Variants in LIPA observed in about 807,000 individuals in gnomAD.
LIPA encodes lipase A, lysosomal acid type.
LIPA carries 26 observed loss-of-function variants against 40.6 expected under a neutral mutation model. That is an observed-to-expected ratio of 0.64 (90% CI 0.47 to 0.89). The LOEUF (loss-of-function observed/expected upper bound fraction) is 0.89, where lower values mean the gene tolerates loss of function less well. LIPA is among the 40% of genes least tolerant of loss of function. The pLI is 0.00. For missense variants in LIPA, 455 were observed against 479.6 expected (o/e 0.95, Z 0.48); for synonymous variants, 188 against 168.4 (o/e 1.12, Z -0.90).
chr10:89,335,871 A>G (rs1250007626), intron 1 of LIPA, among the ~76,000 whole-genome samples: 1 of 152,226 alleles, frequency 6.6e-6, no homozygotes, highest in Non-Finnish European at 1.5e-5. Flanking sequence ...TTGTTCAATT[A>G]TCATCGTTAT....
intron 1 of LIPA, chr10:89,306,767 A>C (rs770640915): frequency 6.2e-7 from 1 of 1,614,016 alleles, no homozygotes; most frequent in African/African-American, 1.3e-5. Flanking sequence ...TGAACTGCTT[A>C]AAAAGGCTTT....
chr10:89,250,826 G>T (rs1488016296), intron 1 of LIPA, among the ~76,000 whole-genome samples: 1 of 152,130 alleles, frequency 6.6e-6, no homozygotes, highest in African/African-American at 2.4e-5. Flanking sequence ...TACTAAGAAG[G>T]AGATACTCTG....
At chr10:89,356,828 T>C (rs937969889) in intron 2 of LIPA, among the ~76,000 whole-genome samples, 1 of 152,254 alleles carries the variant, frequency 6.6e-6, no homozygotes, top group Non-Finnish European at 1.5e-5. Flanking sequence ...AACCAGTCCC[T>C]GGTGCCAAAA....
chr10:89,376,786 C>G (rs11203100), intron 2 of LIPA, among the ~76,000 whole-genome samples: 1 of 152,140 alleles, frequency 6.6e-6, no homozygotes, highest in Admixed American at 6.5e-5. Context: ...TTAAGATACC[C>G]AATTATAGAA....
chr10:89,355,537 T>C (rs1340569308), intron 2 of LIPA, among the ~76,000 whole-genome samples: 1 of 152,216 alleles, frequency 6.6e-6, no homozygotes, highest in East Asian at 1.9e-4. Flanking sequence ...TAGAGACATT[T>C]GAACCAGAGA....
At chr10:89,355,059 A>G (rs1466335947) in intron 2 of LIPA, among the ~76,000 whole-genome samples, 4 of 152,188 alleles carry the variant, frequency 2.6e-5, no homozygotes, top group Non-Finnish European at 5.9e-5. Flanking sequence ...AAAAACCTGA[A>G]AAGATGTGTC....
At chr10:89,344,798 A>T (rs1843904527), upstream of LIPA, among the ~76,000 whole-genome samples, 1 of 152,252 alleles carries the variant, frequency 6.6e-6, no homozygotes, top group African/African-American at 2.4e-5. Context: ...ACAAAATCAA[A>T]GAATACACAC....
At chr10:89,288,079 C>A (rs1365918452) in intron 1 of LIPA, among the ~76,000 whole-genome samples, 2 of 152,190 alleles carry the variant, frequency 1.3e-5, no homozygotes, top group Admixed American at 1.3e-4. Flanking sequence ...CAAGGCTTTG[C>A]GGACAGCCCC....
intron 4 of LIPA, among the ~76,000 whole-genome samples, chr10:89,227,725 C>A (rs1021820742): frequency 1.3e-5 from 2 of 152,090 alleles, no homozygotes; most frequent in Admixed American, 1.3e-4. Context: ...CCCCCAGTGA[C>A]CTTATGAGGT....
chr10:89,339,140 C>A, intron 1 of LIPA: 1 of 1,614,094 alleles, frequency 6.2e-7, no homozygotes, highest in Non-Finnish European at 8.5e-7. Flanking sequence ...TTTGAGAAGG[C>A]TCTGGAAGAA....
intron 2 of LIPA, among the ~76,000 whole-genome samples, chr10:89,354,991 G>A (rs747014983): frequency 1.3e-5 from 2 of 152,222 alleles, no homozygotes; most frequent in Non-Finnish European, 2.9e-5. Flanking sequence ...TGGGGCCACA[G>A]GAGGAGGATT....
intron 2 of LIPA, among the ~76,000 whole-genome samples, chr10:89,396,976 A>G (rs1844353139): frequency 6.6e-6 from 1 of 152,208 alleles, no homozygotes; most frequent in South Asian, 2.1e-4. Context: ...ATTTCTCCAT[A>G]CATGAGTAAT....
chr10:89,247,846 T>TTTAATTTATTTATTTA (rs1554869397), intron 1 of LIPA, 197 bp from the exon 2 acceptor site: 2 of 163,902 alleles, frequency 1.2e-5, no homozygotes, highest in African/African-American at 5.1e-5. Context: ...TTTATTTTTA[T>TTTAATTTATTTATTTA]TTTATTTATT....
At chr10:89,256,678 G>A (rs1016051776), upstream of LIPA, among the ~76,000 whole-genome samples, 16 of 152,166 alleles carry the variant, frequency 1.1e-4, no homozygotes, top group African/African-American at 3.9e-4. Context: ...GTAGTCTTGA[G>A]GATTAAGTGA....
intron 1 of LIPA, among the ~76,000 whole-genome samples, chr10:89,270,570 T>C (rs1427403559): frequency 6.6e-6 from 1 of 152,214 alleles, no homozygotes; most frequent in Non-Finnish European, 1.5e-5. Context: ...CTTCTACCAC[T>C]GAAAAAGAGG....
At chr10:89,346,297 A>G (rs1378030299), upstream of LIPA, among the ~76,000 whole-genome samples, 1 of 152,236 alleles carries the variant, frequency 6.6e-6, no homozygotes, top group Non-Finnish European at 1.5e-5. Flanking sequence ...AATCTTTAAG[A>G]CAGGAAACTA....
chr10:89,232,470 A>G (rs1419349889), intron 3 of LIPA, among the ~76,000 whole-genome samples: 2 of 152,224 alleles, frequency 1.3e-5, no homozygotes, highest in East Asian at 3.8e-4. Context: ...AAGGCTCGGT[A>G]GGTGGCCTAA....
intron 1 of LIPA, among the ~76,000 whole-genome samples, chr10:89,290,739 A>G (rs1043054665): frequency 3.9e-5 from 6 of 151,998 alleles, no homozygotes; most frequent in African/African-American, 1.4e-4. Flanking sequence ...CTTTGATGTA[A>G]TTTTCCACTA....
chr10:89,267,694 C>T (rs1380873228), intron 1 of LIPA, among the ~76,000 whole-genome samples: 1 of 129,230 alleles, frequency 7.7e-6, no homozygotes, highest in Non-Finnish European at 1.6e-5. Context: ...CTAACCTGCA[C>T]AATGTGCACA....
Sources: gnomAD v4.1 joint callset for allele counts (sites outside exome capture counted in the v4.1 genomes callset) on GRCh38, gnomAD v4.1.1 for gene constraint, MANE v1.5 for transcripts, NCBI Gene and HGNC (gene_info 2026-07-23, HGNC 2026-07-21) for gene names.